The following FXR2 variants were observed in gnomAD, a reference collection of about 807,000 sequenced individuals.
The protein encoded by FXR2 is RNA-binding protein FXR2.
A neutral mutation model predicts 87.3 loss-of-function variants in FXR2; 9 were observed. That is an observed-to-expected ratio of 0.10 (90% CI 0.06 to 0.18). The LOEUF is 0.18. Among genes scored for constraint, FXR2 ranks in the 10% least tolerant of loss-of-function variants. FXR2 has a pLI of 1.00. For missense variants in FXR2, 661 were observed against 893.6 expected (o/e 0.74, Z 3.32); for synonymous variants, 331 against 328.3 (o/e 1.01, Z -0.09).
chr17:7,596,576 T>C (rs1299737640), intron 7 of FXR2: 1 of 152,666 alleles, frequency 6.6e-6, no homozygotes, highest in Non-Finnish European at 1.5e-5. Context: ...GCCCTAACAG[T>C]ATCTGTCCCT....
At chr17:7,607,513 C>A (rs1366761747) in intron 1 of FXR2, among the ~76,000 whole-genome samples, 2 of 151,976 alleles carry the variant, frequency 1.3e-5, no homozygotes, top group Non-Finnish European at 2.9e-5. Context: ...CTGCAACCTC[C>A]ACCCCCCGGG....
At chr17:7,608,092 CT>C (rs532366400) in intron 1 of FXR2, among the ~76,000 whole-genome samples, 77 of 151,608 alleles carry the variant, frequency 5.1e-4, no homozygotes, top group African/African-American at 1.8e-3. Context: ...CACCAGGCCA[CT>C]TTTTTTTATT....
At chr17:7,604,113 A>C (rs753965058) in intron 3 of FXR2, 33 bp from the exon 4 acceptor site, 11 of 1,476,084 alleles carry the variant, frequency 7.5e-6, no homozygotes, top group African/African-American at 1.4e-5. Context: ...AGAGATATTG[A>C]AGACCACCCA....
intron 1 of FXR2, among the ~76,000 whole-genome samples, chr17:7,609,206 G>A (rs1307113840): frequency 6.6e-6 from 1 of 152,220 alleles, no homozygotes; most frequent in Non-Finnish European, 1.5e-5. Context: ...AGGGACAAAG[G>A]CTAAGCTTAG....
At chr17:7,603,686 G>A in intron 5 of FXR2, 71 bp downstream of exon 5, 1 of 1,475,322 alleles carries the variant, frequency 6.8e-7, no homozygotes, top group Non-Finnish European at 9.4e-7. Flanking sequence ...TGGGAGTGAT[G>A]CCTGGGAGAA....
At position 7,605,657 on chromosome 17, in the gene FXR2, C is replaced by T. The variant is rs2071797340; in HGVS notation, c.216G>A (p.Gly72=). The change falls in exon 3 of 17, where the codon GGG becomes GGA. Residue 72 remains glycine, a synonymous_variant. Transcript: ENST00000250113. ...PADYNKEITE[G]DEVEVYSRAN... ...CCACAGCCCTTACCTCCACTTCATCCCCTTCTGTGATCTCCTTATTATAGT... is the reference window on the plus strand; with the variant it reads ...CCACAGCCCTTACCTCCACTTCATCTCCTTCTGTGATCTCCTTATTATAGT... 1 of 1,542,608 alleles carries T rather than the reference C, an allele frequency of 6.5e-7. No homozygotes were observed. Among genetic ancestry groups the T allele is most frequent in the Non-Finnish European group, 9.0e-7 (1 of 1,116,304 alleles).
chr17:7,591,265 G>A lies in FXR2; in HGVS notation c.*565C>T, dbSNP rs2071657028. The A allele has an allele frequency of 6.1e-6, 1 of 162,868 alleles. No homozygotes were observed. Among genetic ancestry groups the A allele is most frequent in the Non-Finnish European group, 1.4e-5 (1 of 73,442 alleles). The allele number at this position is 162,868 out of a possible 1,614,324, so 10.1% of individuals were successfully genotyped here. A position where few individuals can be genotyped will look rare whatever the true frequency, so the allele number is the denominator to read the frequency against. ...TTTTTTTATTCTCTTTTTAAATACTGTACAGTGAAAAATAAATACGCCTTC... is the reference window on the plus strand; with the variant it reads ...TTTTTTTATTCTCTTTTTAAATACTATACAGTGAAAAATAAATACGCCTTC... On this transcript the variant is annotated 3_prime_UTR_variant, in exon 17 of 17. Transcript: ENST00000250113. This position sits in a 1 kb window ranked among gnomAD's most constrained non-coding sequence, Gnocchi z 4.0.
intron 7 of FXR2, 112 bp downstream of exon 7, chr17:7,601,297 C>T (rs982899521): frequency 3.0e-6 from 2 of 675,414 alleles, no homozygotes; most frequent in East Asian, 5.2e-5. Flanking sequence ...GTTTAATTGC[C>T]CAGAAAAAGC....
chr17:7,603,425 G>C (rs1422797788), intron 5 of FXR2, among the ~76,000 whole-genome samples: 2 of 151,704 alleles, frequency 1.3e-5, no homozygotes, highest in African/African-American at 4.8e-5. Flanking sequence ...TACTCGGGAG[G>C]CTGAGGCAGG....
chr17:7,608,619 A>G (rs1388599863), intron 1 of FXR2, among the ~76,000 whole-genome samples: 3 of 149,954 alleles, frequency 2.0e-5, no homozygotes, highest in African/African-American at 2.4e-5. Context: ...TCTGCCTCAA[A>G]AAAAAAAAAA....
chr17:7,610,020 G>GCA, intron 1 of FXR2, among the ~76,000 whole-genome samples: 3 of 118,766 alleles, frequency 2.5e-5, no homozygotes, highest in African/African-American at 8.9e-5. Flanking sequence ...ATATATACAT[G>GCA]TATATGTATA....
chr17:7,593,110 GC>G lies in FXR2; in HGVS notation c.1401del (p.Pro468LeufsTer44). 1 of 1,590,898 alleles carries G rather than the reference GC, an allele frequency of 6.3e-7. No individual in the cohort carries two copies. Among genetic ancestry groups the G allele is most frequent in the Non-Finnish European group, 8.6e-7 (1 of 1,169,360 alleles). On this transcript the variant is annotated frameshift_variant, in exon 13 of 17. Transcript: ENST00000250113. LOFTEE classifies it high-confidence loss of function. This position sits in a 1 kb window ranked among gnomAD's most constrained non-coding sequence, Gnocchi z 6.1. ...CGGGTTGGGGGATCCCTGTCGCCAG[GC>G]CCAGCTCGGTTGGGCTCCTCTCTCT... ...SEKREEPNRA[G>X]PGDRDPPTRG...
At chr17:7,600,742 G>C (rs1642771) in intron 7 of FXR2, among the ~76,000 whole-genome samples, 44,902 of 152,066 alleles carry the variant, frequency 0.3, 8,170 homozygotes, top group Middle Eastern at 0.56. Context: ...AAATGAGCTG[G>C]GTGTGGTGGC....
In FXR2 at chr17:7,614,445, G is replaced by C; in HGVS notation, c.81+7C>G. On this transcript the variant is annotated splice_region_variant and intron_variant, in intron 1 of 16. Coordinates refer to ENST00000250113, the MANE Select transcript of FXR2 (RefSeq NM_004860.4). ...GACCGGCGTCCCCAGTCGGCGCGCC[G>C]TCTCACCTTGTAGAAGGCCCCGTTG... The C allele has an allele frequency of 6.5e-7, 1 of 1,531,876 alleles. No homozygotes were observed. The highest frequency in any genetic ancestry group is 8.8e-7 in the Non-Finnish European group (1 of 1,138,972). The allele number at this position is 1,531,876 out of a possible 1,614,324, so 94.9% of individuals were successfully genotyped here.
chr17:7,612,889 G>A (rs1481973858), intron 1 of FXR2, among the ~76,000 whole-genome samples: 1 of 151,158 alleles, frequency 6.6e-6, no homozygotes, highest in Non-Finnish European at 1.5e-5. Flanking sequence ...CCAGCTACTC[G>A]GGAGGCTGAG....
intron 6 of FXR2, among the ~76,000 whole-genome samples, chr17:7,602,564 T>C (rs1314960053): frequency 1.6e-5 from 2 of 127,284 alleles, no homozygotes. Context: ...TGAGATTCCA[T>C]CTCAAAAAAA....
chr17:7,596,174 T>C (rs943650127), intron 7 of FXR2, 180 bp from the exon 8 acceptor site: 27 of 557,612 alleles, frequency 4.8e-5, no homozygotes, highest in African/African-American at 4.2e-4. Flanking sequence ...TGTTTTTTCT[T>C]TGAGATGGCG....
At chr17:7,608,160 T>C (rs1293249875) in intron 1 of FXR2, among the ~76,000 whole-genome samples, 1 of 151,924 alleles carries the variant, frequency 6.6e-6, no homozygotes, top group Non-Finnish European at 1.5e-5. Flanking sequence ...TTCGCTATGT[T>C]GCCCAGGCTG....
At position 7,603,813 on chromosome 17, in the gene FXR2, T is replaced by C. The variant is rs2071779720; in HGVS notation, c.393A>G (p.Ala131=). 1 of 1,613,956 alleles carries C rather than the reference T, an allele frequency of 6.2e-7. No individual in the cohort carries two copies. Among genetic ancestry groups the C allele is most frequent in the African/African-American group, 1.3e-5 (1 of 75,054 alleles). The change falls in exon 5 of 17, where the codon GCA becomes GCG. Residue 131 remains alanine (A), a synonymous_variant. Coordinates refer to ENST00000250113, the MANE Select transcript of FXR2 (RefSeq NM_004860.4). ...RLRPVNPNPL[A]TKGSFFKVTM... ...TAACCTTGAAGAAGCTGCCTTTGGTTGCAAGGGGATTGGGATTAACTGGCC... is the reference window on the plus strand; with the variant it reads ...TAACCTTGAAGAAGCTGCCTTTGGTCGCAAGGGGATTGGGATTAACTGGCC...
Sources: allele counts gnomAD v4.1 joint callset (sites outside exome capture counted in the v4.1 genomes callset), GRCh38; gene constraint gnomAD v4.1.1; non-coding constraint Gnocchi (gnomAD v3.1); transcripts MANE v1.5; gene names NCBI Gene and HGNC (gene_info 2026-07-23, HGNC 2026-07-21).